The following TRPM3 variants were observed in gnomAD, a reference collection of about 807,000 sequenced individuals.
TRPM3 encodes the protein transient receptor potential cation channel subfamily M member 3.
A neutral mutation model predicts 181.2 loss-of-function variants in TRPM3; 77 were observed. The ratio of observed to expected loss-of-function variants is 0.42; its 90% CI spans 0.35 to 0.51. The LOEUF is 0.51. TRPM3 is among the 20% of genes least tolerant of loss of function. TRPM3 has a pLI of 0.01. For synonymous variants in TRPM3, 745 were observed against 796.4 expected (o/e 0.94, Z 1.09); for missense variants, 1,759 against 2,196.7 (o/e 0.80, Z 3.98).
chr9:70,967,907 A>T (rs551576514), intron 1 of TRPM3, among the ~76,000 whole-genome samples: 10 of 152,238 alleles, frequency 6.6e-5, no homozygotes, highest in African/African-American at 2.4e-4. Context: ...ACCTCCATAG[A>T]AACGAAGCTG....
At chr9:70,985,182 C>T (rs1259524447) in intron 1 of TRPM3, among the ~76,000 whole-genome samples, 2 of 152,166 alleles carry the variant, frequency 1.3e-5, no homozygotes, top group African/African-American at 4.8e-5. Flanking sequence ...TTACACAGTC[C>T]TTAAGCTAAA....
intron 1 of TRPM3, among the ~76,000 whole-genome samples, chr9:70,875,342 T>C (rs932831659): frequency 6.6e-6 from 1 of 151,928 alleles, no homozygotes; most frequent in Non-Finnish European, 1.5e-5. Flanking sequence ...AAATAAGAGA[T>C]CTTTTTAAAT....
chr9:70,625,877 A>G lies in TRPM3; in HGVS notation c.1633-360T>C, dbSNP rs536247074. 5.3e-5 allele frequency among the ~76,000 whole-genome samples: 8 copies of G among 152,342 alleles called. No homozygotes were observed. Among genetic ancestry groups the G allele is most frequent in the Admixed American group, 5.2e-4 (8 of 15,310 alleles). ...CTCCTTTAATACAAAACCTCTATCC[A>G]TAATTTTAAAAAATTGACACTTTTT... On this transcript the variant is annotated intron_variant, in intron 12 of 25. Coordinates refer to ENST00000677713, the MANE Select transcript of TRPM3 (RefSeq NM_001366145.2). The surrounding 1 kb of genome is among the most constrained non-coding windows in gnomAD (Gnocchi z 4.8).
At position 70,536,470 on chromosome 9, in the gene TRPM3, C is replaced by A. The variant is rs759076393; in HGVS notation, c.4643G>T (p.Gly1548Val). ...SPSRSYYANF[G>V]VPVKTAEYTS... Reference sequence around the variant, plus strand: ...GTATTCTGCTGTTTTTACAGGCACCCCAAAGTTGGCATAATAGCTCCTTGA... The same window carrying A: ...GTATTCTGCTGTTTTTACAGGCACCACAAAGTTGGCATAATAGCTCCTTGA... The change falls in exon 26 of 26, where the codon GGG becomes GTG. Residue 1548 changes from glycine (G) to valine (V), a missense_variant. By Grantham distance (109) the Gly-to-Val change is moderately radical. This residue lies in a region of TRPM3 where 612 missense variants were observed against 590.0 expected (regional missense o/e 1.04). Transcript: ENST00000677713. 6.2e-7 allele frequency: 1 copy of A among 1,614,082 alleles called. No individual in the cohort carries two copies. The highest frequency in any genetic ancestry group is 1.7e-5 in the Admixed American group (1 of 60,010).
At chr9:71,150,797 A>G (rs926950820) in intron 1 of TRPM3, among the ~76,000 whole-genome samples, 1 of 152,162 alleles carries the variant, frequency 6.6e-6, no homozygotes, top group East Asian at 1.9e-4. Flanking sequence ...CAAATAGAAA[A>G]TTCTTAGGAA....
At chr9:71,310,886 A>G (rs1175757684) in intron 1 of TRPM3, among the ~76,000 whole-genome samples, 1 of 152,104 alleles carries the variant, frequency 6.6e-6, no homozygotes, top group East Asian at 1.9e-4. Context: ...TCTTTTTACT[A>G]TGGAGAGAAA....
chr9:70,839,870 G>T lies in TRPM3; in HGVS notation c.801+3133C>A, dbSNP rs1415227. The stretch of plus-strand genomic sequence containing the variant: ...GCTACCTGATGTCTAATGCTAAAAG[G>T]TTTATTTTTTGATGTTTATTACATG... On this transcript the variant is annotated intron_variant, in intron 5 of 25. Coordinates refer to ENST00000677713, the MANE Select transcript of TRPM3 (RefSeq NM_001366145.2). Among the ~76,000 whole-genome samples, 405 of 152,156 alleles carry T rather than the reference G, an allele frequency of 2.7e-3. 3 individuals are homozygous for T. The highest frequency in any genetic ancestry group is 9.2e-3 in the African/African-American group (384 of 41,536).
chr9:71,277,616 C>T (rs73648001), intron 1 of TRPM3, among the ~76,000 whole-genome samples: 4,384 of 152,084 alleles, frequency 0.029, 119 homozygotes, highest in East Asian at 0.074. Flanking sequence ...ACAAAAGAGG[C>T]TCATTAGTCT....
chr9:71,170,905 G>A (rs944482721), intron 1 of TRPM3, among the ~76,000 whole-genome samples: 2 of 152,180 alleles, frequency 1.3e-5, no homozygotes, highest in African/African-American at 4.8e-5. Context: ...GGTGAGCTGG[G>A]CAGAACAGAG....
At chr9:71,406,567 T>C (rs1218507102) in intron 1 of TRPM3, among the ~76,000 whole-genome samples, 5 of 152,196 alleles carry the variant, frequency 3.3e-5, no homozygotes. Flanking sequence ...TGCACCTTTT[T>C]TTAAATAGAG....
chr9:70,777,398 T>C (rs2081564432), intron 7 of TRPM3, among the ~76,000 whole-genome samples: 1 of 152,094 alleles, frequency 6.6e-6, no homozygotes, highest in South Asian at 2.1e-4. Flanking sequence ...GAAGAAACTC[T>C]GGATAATTTT....
chr9:70,803,171 A>G lies in TRPM3; in HGVS notation c.974-18892T>C, dbSNP rs115182770. 2.2e-3 allele frequency among the ~76,000 whole-genome samples: 333 copies of G among 150,584 alleles called. 1 individual carries two copies. Among genetic ancestry groups the G allele is most frequent in the African/African-American group, 7.9e-3 (324 of 41,230 alleles). Reference sequence around the variant, plus strand: ...GCGGAAGAAATGATCTGAGCCTTGGATGGGGGGCAAGAAGGGACTCGCAGC... The same window carrying G: ...GCGGAAGAAATGATCTGAGCCTTGGGTGGGGGGCAAGAAGGGACTCGCAGC... On this transcript the variant is annotated intron_variant, in intron 6 of 25. Coordinates refer to ENST00000677713, the MANE Select transcript of TRPM3 (RefSeq NM_001366145.2).
chr9:70,907,459 C>T (rs997212558), intron 1 of TRPM3, among the ~76,000 whole-genome samples: 2 of 152,170 alleles, frequency 1.3e-5, no homozygotes, highest in Non-Finnish European at 2.9e-5. Flanking sequence ...CTGTGATATG[C>T]TTTAGGGAGG....
chr9:71,089,867 C>T (rs1203479493), intron 1 of TRPM3, among the ~76,000 whole-genome samples: 1 of 152,024 alleles, frequency 6.6e-6, no homozygotes, highest in Non-Finnish European at 1.5e-5. Context: ...TCAGGGTGTC[C>T]AATCTTTCAG....
intron 1 of TRPM3, among the ~76,000 whole-genome samples, chr9:71,211,626 T>C (rs2079512119): frequency 1.3e-5 from 2 of 152,188 alleles, no homozygotes; most frequent in Non-Finnish European, 2.9e-5. Context: ...TTCTCTCCTA[T>C]CTTCTGGTGA....
chr9:71,297,853 C>A (rs556507896), intron 1 of TRPM3, among the ~76,000 whole-genome samples: 1 of 152,290 alleles, frequency 6.6e-6, no homozygotes, highest in Non-Finnish European at 1.5e-5. Context: ...GACCACTTGA[C>A]TGCCCAATTT....
intron 1 of TRPM3, among the ~76,000 whole-genome samples, chr9:71,253,690 C>T (rs961801879): frequency 1.3e-5 from 2 of 151,984 alleles, no homozygotes; most frequent in Non-Finnish European, 2.9e-5. Context: ...ATCCAGACAC[C>T]CCACTATTGG....
At chr9:70,758,854 G>C (rs2077555791) in intron 8 of TRPM3, among the ~76,000 whole-genome samples, 1 of 152,148 alleles carries the variant, frequency 6.6e-6, no homozygotes, top group Non-Finnish European at 1.5e-5. Flanking sequence ...AGACTTAAAT[G>C]TTGGACCTAA....
At chr9:71,302,414 T>C (rs2086864266) in intron 1 of TRPM3, among the ~76,000 whole-genome samples, 1 of 152,180 alleles carries the variant, frequency 6.6e-6, no homozygotes, top group Non-Finnish European at 1.5e-5. Context: ...CGAGCAATAC[T>C]GAACAAAACA....
Sources: allele counts gnomAD v4.1 joint callset (sites outside exome capture counted in the v4.1 genomes callset), GRCh38; gene constraint gnomAD v4.1.1; regional missense constraint gnomAD v4.1.1; non-coding constraint Gnocchi (gnomAD v3.1); transcripts MANE v1.5; gene names NCBI Gene and HGNC (gene_info 2026-07-23, HGNC 2026-07-21).